Variants in HNRNPA2B1 observed in about 807,000 individuals in gnomAD.
HNRNPA2B1 encodes the protein heterogeneous nuclear ribonucleoproteins A2/B1.
A neutral mutation model predicts 46.3 loss-of-function variants in HNRNPA2B1; 3 were observed. The observed-to-expected ratio is 0.06, with a 90% confidence interval of 0.03 to 0.17. The LOEUF is 0.17. Ranked by LOEUF, HNRNPA2B1 falls within the 10% of genes least tolerant of loss-of-function variation. HNRNPA2B1 has a pLI of 1.00. For missense variants in HNRNPA2B1, 221 were observed against 418.9 expected (o/e 0.53, Z 4.12); for synonymous variants, 225 against 133.8 (o/e 1.68, Z -4.70).
chr7:26,196,173 G>A (rs956250550), intron 6 of HNRNPA2B1, among the ~76,000 whole-genome samples: 1 of 152,042 alleles, frequency 6.6e-6, no homozygotes, highest in Non-Finnish European at 1.5e-5. Flanking sequence ...AAAGCTTTTC[G>A]GATGACACTT....
In HNRNPA2B1 at chr7:26,192,586, GT is replaced by G; in HGVS notation, c.965-10del. ...TCCTGGACCATAGTTTCCTATAATTGTTGGAACAGCAAGAGAAAACAAACTT... is the reference window on the plus strand; with the variant it reads ...TCCTGGACCATAGTTTCCTATAATTGTGGAACAGCAAGAGAAAACAAACTT... On this transcript the variant is annotated splice_polypyrimidine_tract_variant and intron_variant, in intron 9 of 10. Transcript: ENST00000618183. 6.2e-7 allele frequency: 1 copy of G among 1,612,666 alleles called. No individual in the cohort carries two copies. The highest frequency in any genetic ancestry group is 8.5e-7 in the Non-Finnish European group (1 of 1,178,770).
chr7:26,197,259 T>C, intron 3 of HNRNPA2B1, 56 bp downstream of exon 3: 2 of 1,526,200 alleles, frequency 1.3e-6, no homozygotes, highest in Admixed American at 4.5e-5. Context: ...AGTTTCTGAT[T>C]TTCAGCAGGG....
At chr7:26,192,880 G>C (rs1463102054) in intron 9 of HNRNPA2B1, among the ~76,000 whole-genome samples, 5 of 152,098 alleles carry the variant, frequency 3.3e-5, no homozygotes, top group Non-Finnish European at 5.9e-5. Context: ...TTTACTCCTA[G>C]CTAAAAACCT....
At chr7:26,193,493 A>G (rs1783141980) in intron 8 of HNRNPA2B1, 82 bp downstream of exon 8, 4 of 1,537,562 alleles carry the variant, frequency 2.6e-6, no homozygotes, top group Middle Eastern at 1.7e-4. Context: ...GCATCTAGTG[A>G]CAAACATGGA....
At chr7:26,200,546 T>G in intron 1 of HNRNPA2B1, 26 bp downstream of exon 1, 1 of 1,612,552 alleles carries the variant, frequency 6.2e-7, no homozygotes, top group Non-Finnish European at 8.5e-7. Context: ...CCCTTTTCAA[T>G]AACTCATTGA....
chr7:26,195,793 G>T, intron 7 of HNRNPA2B1, 54 bp downstream of exon 7: 2 of 1,570,234 alleles, frequency 1.3e-6, no homozygotes, highest in African/African-American at 1.4e-5. Context: ...GTAAATATAC[G>T]ATATAGTTAA....
chr7:26,194,983 A>C (rs1783367511), intron 7 of HNRNPA2B1, among the ~76,000 whole-genome samples: 1 of 151,056 alleles, frequency 6.6e-6, no homozygotes, highest in Admixed American at 6.6e-5. Context: ...AATCCCAGCT[A>C]CTCAGGAGGC....
chr7:26,199,477 TTA>T (rs1784092011), intron 1 of HNRNPA2B1: 1 of 152,248 alleles, frequency 6.6e-6, no homozygotes, highest in Admixed American at 6.5e-5. Context: ...GACAAAATCG[TTA>T]TTTCACTTTC....
rs890823520 is a variant in HNRNPA2B1 at position 26,191,520 on chromosome 7, A to G, written c.*840T>C. On this transcript the variant is annotated 3_prime_UTR_variant, in exon 11 of 11. Transcript: ENST00000618183. ...ACTGTAGTTAAAGTTTTGTAGAAAC[A>G]GCACAGTTTTTTAAGACTGGCTGAA... 3.3e-5 allele frequency: 5 copies of G among 152,220 alleles called. No individual in the cohort carries two copies. Among genetic ancestry groups the G allele is most frequent in the Non-Finnish European group, 7.4e-5 (5 of 68,024 alleles). The allele number at this position is 152,220 out of a possible 1,614,324, so 9.4% of individuals were successfully genotyped here. A position where few individuals can be genotyped will look rare whatever the true frequency, so the allele number is the denominator to read the frequency against.
At position 26,200,740 on chromosome 7, in the gene HNRNPA2B1, T is replaced by G. The variant is rs538280773; in HGVS notation, c.-163A>C. On this transcript the variant is annotated 5_prime_UTR_variant, in exon 1 of 11. Transcript: ENST00000618183. ...ACCTCCGCACGGGACCCGGCGCTGC[T>G]GCTACTGCCGCTAGAGCCGCTGCCG... 2.3e-6 allele frequency: 2 copies of G among 857,084 alleles called. No individual in the cohort carries two copies. The highest frequency in any genetic ancestry group is 2.7e-5 in the South Asian group (2 of 72,942). 53.1% of individuals were successfully genotyped at this position (857,084 alleles called of 1,614,324 possible). A position where few individuals can be genotyped will look rare whatever the true frequency, so the allele number is the denominator to read the frequency against.
chr7:26,197,270 C>T (rs374595120), intron 3 of HNRNPA2B1, 45 bp downstream of exon 3: 2 of 1,550,630 alleles, frequency 1.3e-6, no homozygotes, highest in Admixed American at 2.1e-5. Context: ...TTCAGCAGGG[C>T]AGCGTTCTTC....
chr7:26,199,557 C>T (rs555250972), intron 1 of HNRNPA2B1: 1 of 152,196 alleles, frequency 6.6e-6, no homozygotes. Context: ...AACAACATTA[C>T]TTAAAATGAG....
At position 26,192,531 on chromosome 7, in the gene HNRNPA2B1, C is replaced by G; in HGVS notation, c.1011G>C (p.Gly337=). The change falls in exon 10 of 11, where the codon GGG becomes GGC. Residue 337 remains glycine (G), a synonymous_variant. Transcript: ENST00000618183. The part of the protein sequence containing the change: ...GGSGGSGGYG[G]RSRY ...AGGAAGAAGCTCAGTATCGGCTCCTCCCACCATAACCCCCACTTCCTCCAC... is the reference window on the plus strand; with the variant it reads ...AGGAAGAAGCTCAGTATCGGCTCCTGCCACCATAACCCCCACTTCCTCCAC... 1 of 1,613,766 alleles carries G rather than the reference C, an allele frequency of 6.2e-7. No individual in the cohort carries two copies. The highest frequency in any genetic ancestry group is 1.6e-4 in the Middle Eastern group (1 of 6,062).
At position 26,192,051 on chromosome 7, in the gene HNRNPA2B1, C is replaced by T. The variant is rs2128106951; in HGVS notation, c.*309G>A. ...ATTTAACATTATCAAAGAAGGAATG[C>T]TTCTACACTCTTACAAAGACCACTA... is the stretch of plus-strand genomic sequence containing the variant. On this transcript the variant is annotated 3_prime_UTR_variant, in exon 11 of 11. Transcript: ENST00000618183. 6.5e-6 allele frequency: 1 copy of T among 153,490 alleles called. No homozygotes were observed. Among genetic ancestry groups the T allele is most frequent in the Middle Eastern group, 3.4e-3 (1 of 298 alleles). 9.5% of individuals were successfully genotyped at this position (153,490 alleles called of 1,614,324 possible).
chr7:26,196,733 A>G, intron 4 of HNRNPA2B1, 74 bp downstream of exon 4: 14 of 1,562,242 alleles, frequency 9.0e-6, no homozygotes, highest in South Asian at 2.3e-5. Flanking sequence ...ACCTTTCAAT[A>G]AAGTTACAGA....
rs1583986874 is a variant in HNRNPA2B1 at position 26,196,032 on chromosome 7, G to A, written c.659-123C>T. 1.4e-5 allele frequency: 18 copies of A among 1,307,714 alleles called. No individual in the cohort carries two copies. In the South Asian group the frequency reaches 1.5e-4, roughly 11 times the overall value. 81.0% of individuals were successfully genotyped at this position (1,307,714 alleles called of 1,614,324 possible). A position where few individuals can be genotyped will look rare whatever the true frequency, so the allele number is the denominator to read the frequency against. On this transcript the variant is annotated intron_variant, in intron 6 of 10. Coordinates refer to ENST00000618183, the MANE Select transcript of HNRNPA2B1 (RefSeq NM_002137.4). Reference sequence around the variant, plus strand: ...AAGAACCGCAGAAAAGGACACACCAGTGCTACCAGTTTACCCACAAAACAT... The same window carrying A: ...AAGAACCGCAGAAAAGGACACACCAATGCTACCAGTTTACCCACAAAACAT...
chr7:26,190,005 T>G lies in HNRNPA2B1; in HGVS notation c.*2355A>C, dbSNP rs1315372867. On this transcript the variant is annotated 3_prime_UTR_variant, in exon 11 of 11. Coordinates refer to ENST00000618183, the MANE Select transcript of HNRNPA2B1 (RefSeq NM_002137.4). ...GCTCTTCTCATTTACCTGTTAATATTAAAATATGCATAGCTTTGTGAAACT... is the reference window on the plus strand; with the variant it reads ...GCTCTTCTCATTTACCTGTTAATATGAAAATATGCATAGCTTTGTGAAACT... 1 of 152,356 alleles carries G rather than the reference T, an allele frequency of 6.6e-6. No individual in the cohort carries two copies. Among genetic ancestry groups the G allele is most frequent in the South Asian group, 2.1e-4 (1 of 4,834 alleles). The allele number at this position is 152,356 out of a possible 1,614,324, so 9.4% of individuals were successfully genotyped here. A position where few individuals can be genotyped will look rare whatever the true frequency, so the allele number is the denominator to read the frequency against.
intron 7 of HNRNPA2B1, chr7:26,195,563 G>C (rs1296122138): frequency 2.9e-6 from 1 of 348,248 alleles, no homozygotes; most frequent in Admixed American, 4.7e-5. Flanking sequence ...TACTTTTCCA[G>C]AGAAGCACGT....
At chr7:26,200,474 C>T in intron 1 of HNRNPA2B1, 98 bp downstream of exon 1, 2 of 1,241,356 alleles carry the variant, frequency 1.6e-6, no homozygotes, top group Admixed American at 3.4e-5. Context: ...GTCCGATTTC[C>T]TGCCTCTCTC....
Sources: gnomAD v4.1 joint callset for allele counts (sites outside exome capture counted in the v4.1 genomes callset) on GRCh38, gnomAD v4.1.1 for gene constraint, MANE v1.5 for transcripts, NCBI Gene and HGNC (gene_info 2026-07-23, HGNC 2026-07-21) for gene names.